BEND2: variants seen among roughly 807,000 people sequenced by gnomAD.
BEND2 encodes BEN domain containing 2, also known as BEN domain-containing protein 2.
A neutral mutation model predicts 43.8 loss-of-function variants in BEND2; 19 were observed. That is an observed-to-expected ratio of 0.43 (90% CI 0.30 to 0.64). The LOEUF (loss-of-function observed/expected upper bound fraction) is 0.64, where lower values mean the gene tolerates loss of function less well. Ranked by LOEUF, BEND2 falls within the 30% of genes least tolerant of loss-of-function variation. The probability of loss-of-function intolerance (pLI) is 0.11; values close to 1 mark genes in which losing one functional copy is unlikely to be tolerated. For missense variants in BEND2, 544 were observed against 574.0 expected, an observed-to-expected ratio of 0.95 and a Z score of 0.53; for synonymous variants, 226 against 210.1, an observed-to-expected ratio of 1.08 and a Z score of -0.66.
rs754514114 is a variant in BEND2 at position 18,174,268 on chromosome X, C to T, written c.1753-10G>A. 8.4e-7 allele frequency: 1 copy of T among 1,194,891 alleles called. No homozygotes were observed. Among genetic ancestry groups the T allele is most frequent in the Non-Finnish European group, 1.1e-6 (1 of 880,509 alleles). On this transcript the variant is annotated splice_polypyrimidine_tract_variant and intron_variant, in intron 11 of 13. Coordinates refer to ENST00000380033, the MANE Select transcript of BEND2 (RefSeq NM_153346.5). ...TTTTGCGAACAGTTTTCTGTTGAAA[C>T]ACAAAATCATATCCGTAAACAAAGT... is the stretch of plus-strand genomic sequence containing the variant.
At chrX:18,178,032 A>G (rs1254319094) in intron 9 of BEND2, among the ~76,000 whole-genome samples, 1 of 111,102 alleles carries the variant, frequency 9.0e-6, no homozygotes, top group African/African-American at 3.3e-5. Context: ...AGCTTGCTGT[A>G]TTGAACTACT....
In BEND2 at chrX:18,208,895, A is replaced by T. The variant is rs770891851; in HGVS notation, c.492+3670T>A. On this transcript the variant is annotated intron_variant, in intron 4 of 13. Coordinates refer to ENST00000380033, the MANE Select transcript of BEND2 (RefSeq NM_153346.5). ...AGCAATGAACACACCTAGTGTCCAG[A>T]TCTCGGTTTCTAAATACCAGTCTCC... Among the ~76,000 whole-genome samples the T allele has an allele frequency of 2.7e-5, 3 of 111,353 alleles. No homozygotes were observed. The South Asian group carries it at 1.2e-3, about 43-fold the overall frequency.
chrX:18,214,546 G>A lies in BEND2; in HGVS notation c.239-635C>T, dbSNP rs767080536. ...TTCCATAAAAAGTTCACCTATGGCC[G>A]GGCGTGGTGGCTCATGCCTGTAATC... On this transcript the variant is annotated intron_variant, in intron 2 of 13. Transcript: ENST00000380033. Among the ~76,000 whole-genome samples the A allele has an allele frequency of 5.3e-3, 588 of 110,628 alleles. 3 individuals carry two copies. Among genetic ancestry groups the A allele is most frequent in the African/African-American group, 0.018 (559 of 30,497 alleles).
At chrX:18,177,480 T>C in intron 10 of BEND2, 89 bp downstream of exon 10, 1 of 942,264 alleles carries the variant, frequency 1.1e-6, no homozygotes, top group South Asian at 2.1e-5. Flanking sequence ...CACAGACTTA[T>C]TGTTATTCCT....
At chrX:18,214,545 C>A (rs758916845) in intron 2 of BEND2, among the ~76,000 whole-genome samples, 1 of 110,639 alleles carries the variant, frequency 9.0e-6, no homozygotes, top group African/African-American at 3.3e-5. Context: ...CACCTATGGC[C>A]GGGCGTGGTG....
intron 8 of BEND2, among the ~76,000 whole-genome samples, chrX:18,189,673 A>G (rs1156664091): frequency 1.8e-5 from 2 of 112,174 alleles, no homozygotes; most frequent in African/African-American, 6.5e-5. Flanking sequence ...AAAAGCAAAC[A>G]TTACTATAAG....
intron 2 of BEND2, among the ~76,000 whole-genome samples, chrX:18,214,854 CCTAAAAAATTCAG>C (rs896217423): frequency 2.0e-5 from 2 of 102,535 alleles, no homozygotes; most frequent in African/African-American, 7.1e-5. Context: ...AAAAAATTCA[CCTAAAAAATTCAG>C]CTCATTACAA....
intron 6 of BEND2, among the ~76,000 whole-genome samples, chrX:18,201,152 G>GAAA (rs1925131263): frequency 9.0e-6 from 1 of 111,101 alleles, no homozygotes; most frequent in African/African-American, 3.3e-5. Context: ...CCAGCACTTT[G>GAAA]GGAGGCAGAG....
Position 18,180,562 on chromosome X carries a change from A to G in BEND2, c.1377T>C (p.Ser459=), listed in dbSNP as rs747416275. 2.5e-6 allele frequency: 3 copies of G among 1,208,016 alleles called. No individual in the cohort carries two copies. The African/African-American group carries it at 5.2e-5, about 21-fold the overall frequency. ...NTMNRSTLLD[S]DSGQDSSSSS... is the part of the protein sequence containing the mutation. ...ATGAGGAAGAATCCTGGCCACTGTCACTGTCCAATAAAGTTGAGCGATTCA... is the reference window on the plus strand; with the variant it reads ...ATGAGGAAGAATCCTGGCCACTGTCGCTGTCCAATAAAGTTGAGCGATTCA... The change falls in exon 9 of 14, where the codon AGT becomes AGC. Residue 459 remains serine (S), a synonymous_variant. Coordinates refer to ENST00000380033, the MANE Select transcript of BEND2 (RefSeq NM_153346.5).
Position 18,220,786 on chromosome X carries a change from C to A in BEND2, c.-36G>T. 8.4e-7 allele frequency: 1 copy of A among 1,193,137 alleles called. No individual in the cohort carries two copies. Among genetic ancestry groups the A allele is most frequent in the Non-Finnish European group, 1.1e-6 (1 of 883,071 alleles). On this transcript the variant is annotated 5_prime_UTR_variant, in exon 1 of 14. Coordinates refer to ENST00000380033, the MANE Select transcript of BEND2 (RefSeq NM_153346.5). ...CGGGGTCTGGCTCTGAGGCCCGAGA[C>A]CTGAGGCCCGAGACCTGAGGCCTAC...
At chrX:18,170,127 C>T (rs1923931454) in intron 13 of BEND2, among the ~76,000 whole-genome samples, 1 of 111,243 alleles carries the variant, frequency 9.0e-6, no homozygotes, top group Non-Finnish European at 1.9e-5. Flanking sequence ...TAACCAATTA[C>T]TAGGTTGTGA....
intron 8 of BEND2, among the ~76,000 whole-genome samples, chrX:18,181,913 G>A (rs774302125): frequency 8.9e-6 from 1 of 111,795 alleles, no homozygotes; most frequent in East Asian, 2.8e-4. Context: ...TACGTTAAAT[G>A]TAAATGATCT....
chrX:18,168,998 C>T (rs1191762317), intron 13 of BEND2, among the ~76,000 whole-genome samples: 1 of 109,798 alleles, frequency 9.1e-6, no homozygotes, highest in Non-Finnish European at 1.9e-5. Flanking sequence ...AGTGCAGTGG[C>T]ACACACCTAT....
chrX:18,208,380 G>C (rs1025375827), intron 4 of BEND2, among the ~76,000 whole-genome samples: 2 of 110,096 alleles, frequency 1.8e-5, no homozygotes, highest in African/African-American at 6.6e-5. Context: ...CCAGCTACTC[G>C]GGAGGCTGAG....
chrX:18,204,656 C>T (rs1330714078), intron 4 of BEND2, among the ~76,000 whole-genome samples: 2 of 111,664 alleles, frequency 1.8e-5, no homozygotes, highest in South Asian at 3.8e-4. Context: ...TGCTCCTATT[C>T]GAGGCCTGGC....
chrX:18,211,354 T>C (rs1392870951), intron 4 of BEND2, among the ~76,000 whole-genome samples: 1 of 111,947 alleles, frequency 8.9e-6, no homozygotes, highest in African/African-American at 3.2e-5. Flanking sequence ...CCTACCCCAT[T>C]ACCTAAAACT....
rs148097734 is a variant in BEND2, at chrX:18,211,698, G to T, written c.492+867C>A. Among the ~76,000 whole-genome samples, 927 of 110,201 alleles carry T rather than the reference G, an allele frequency of 8.4e-3. 15 individuals carry two copies. Among genetic ancestry groups the T allele is most frequent in the African/African-American group, 0.029 (880 of 30,285 alleles). Reference sequence around the variant, plus strand: ...CTCAGGAGGCTGAGGTAGGAGAATCGCTTGAACCCGGGAGGTGGAGGTTGC... The same window carrying T: ...CTCAGGAGGCTGAGGTAGGAGAATCTCTTGAACCCGGGAGGTGGAGGTTGC... On this transcript the variant is annotated intron_variant, in intron 4 of 13. Transcript: ENST00000380033.
intron 6 of BEND2, among the ~76,000 whole-genome samples, chrX:18,195,887 CG>C (rs1374657427): frequency 1.6e-5 from 1 of 63,319 alleles, no homozygotes; most frequent in Non-Finnish European, 2.7e-5. Flanking sequence ...AACGAAAGAA[CG>C]AAAGAGACAG....
chrX:18,179,996 G>A (rs1223352190), intron 9 of BEND2, among the ~76,000 whole-genome samples: 7 of 112,361 alleles, frequency 6.2e-5, no homozygotes, highest in African/African-American at 2.3e-4. Context: ...GGCCAAAATG[G>A]CCAAACCCCA....
Sources: gnomAD v4.1 joint callset for allele counts (sites outside exome capture counted in the v4.1 genomes callset) on GRCh38, gnomAD v4.1.1 for gene constraint, MANE v1.5 for transcripts, NCBI Gene and HGNC (gene_info 2026-07-23, HGNC 2026-07-21) for gene names.